The following KCNMB2 variants were observed in gnomAD, a reference collection of about 807,000 sequenced individuals.
KCNMB2 encodes potassium calcium-activated channel subfamily M regulatory beta subunit 2.
KCNMB2 carries 9 observed loss-of-function variants against 24.5 expected under a neutral mutation model. The observed-to-expected ratio is 0.37, with a 90% CI of 0.22 to 0.64. KCNMB2 has a LOEUF of 0.64. Ranked by LOEUF, KCNMB2 falls within the 30% of genes least tolerant of loss-of-function variation. KCNMB2 has a pLI of 0.63. For missense variants in KCNMB2, 226 were observed against 284.3 expected, an observed-to-expected ratio of 0.79 and a Z score of 1.47; for synonymous variants, 109 against 104.4, an observed-to-expected ratio of 1.04 and a Z score of -0.27.
chr3:178,813,070 A>C (rs1444749891), intron 2 of KCNMB2, among the ~76,000 whole-genome samples: 1 of 152,168 alleles, frequency 6.6e-6, no homozygotes, highest in Non-Finnish European at 1.5e-5. Context: ...TTACATCTTT[A>C]TGTCACCAAG....
intron 1 of KCNMB2, among the ~76,000 whole-genome samples, chr3:178,768,119 G>C (rs755083784): frequency 1.3e-5 from 2 of 151,980 alleles, no homozygotes; most frequent in Non-Finnish European, 2.9e-5. Context: ...TTTATTCAAA[G>C]ATTATTTTAG....
intron 1 of KCNMB2, among the ~76,000 whole-genome samples, chr3:178,714,778 A>T (rs1353702606): frequency 6.6e-6 from 1 of 152,124 alleles, no homozygotes; most frequent in Non-Finnish European, 1.5e-5. Context: ...AATGTTCGTC[A>T]GCCGTTGGCA....
chr3:178,653,054 TATTA>T, intron 1 of KCNMB2, among the ~76,000 whole-genome samples: 1 of 152,320 alleles, frequency 6.6e-6, no homozygotes, highest in East Asian at 1.9e-4. Flanking sequence ...TTAATTGATA[TATTA>T]ATTTAAGAAT....
chr3:178,763,060 T>C (rs1711973493), intron 1 of KCNMB2, among the ~76,000 whole-genome samples: 1 of 152,102 alleles, frequency 6.6e-6, no homozygotes, highest in Non-Finnish European at 1.5e-5. Context: ...TGGAACTAGA[T>C]GAGGTCATCT....
At chr3:178,749,301 T>C (rs1015274063) in intron 1 of KCNMB2, 3 of 152,236 alleles carry the variant, frequency 2.0e-5, no homozygotes, top group Non-Finnish European at 4.4e-5. Context: ...AGAGACGTTT[T>C]GTAAAACAAA....
At chr3:178,631,354 T>C (rs1386546799) in intron 1 of KCNMB2, among the ~76,000 whole-genome samples, 1 of 152,236 alleles carries the variant, frequency 6.6e-6, no homozygotes, top group Non-Finnish European at 1.5e-5. Flanking sequence ...TTATTAGTGC[T>C]GTCAGTAACA....
intron 4 of KCNMB2, among the ~76,000 whole-genome samples, chr3:178,837,624 G>T (rs1464721693): frequency 2.0e-5 from 3 of 152,174 alleles, no homozygotes; most frequent in Non-Finnish European, 4.4e-5. Context: ...CCAGGGCAGA[G>T]GACCTTTTCT....
At position 178,757,722 on chromosome 3, in the gene KCNMB2, A is replaced by ATCT. The variant is rs1424841782; in HGVS notation, c.-67-49620_-67-49619insCTT. ...TATATCCAAGAGGATATATATATGT[A>ATCT]TATATATCCAAGAGGATATATATAT... On this transcript the variant is annotated intron_variant, in intron 1 of 4. Coordinates refer to ENST00000452583, the MANE Select transcript of KCNMB2 (RefSeq NM_181361.3). 1.8e-4 allele frequency among the ~76,000 whole-genome samples: 16 copies of ATCT among 86,858 alleles called. 3 individuals are homozygous for ATCT. The highest frequency in any genetic ancestry group is 6.4e-4 in the East Asian group (2 of 3,130). 57.0% of individuals were successfully genotyped at this position (86,858 alleles called of 152,430 possible). A position where few individuals can be genotyped will look rare whatever the true frequency, so the allele number is the denominator to read the frequency against.
intron 2 of KCNMB2, among the ~76,000 whole-genome samples, chr3:178,816,859 C>G (rs1056007429): frequency 6.6e-6 from 1 of 152,104 alleles, no homozygotes. Context: ...CAGTACTTCT[C>G]AAAGTCTCCC....
intron 1 of KCNMB2, among the ~76,000 whole-genome samples, chr3:178,725,243 T>A (rs1577128314): frequency 6.6e-6 from 1 of 152,072 alleles, no homozygotes; most frequent in African/African-American, 2.4e-5. Flanking sequence ...TTTGGTTACA[T>A]GTAGTCTCAG....
intron 1 of KCNMB2, among the ~76,000 whole-genome samples, chr3:178,618,487 T>C (rs1260749954): frequency 6.6e-6 from 1 of 152,202 alleles, no homozygotes; most frequent in Admixed American, 6.5e-5. Flanking sequence ...AAGAGCTTCG[T>C]TCTTGCATTC....
chr3:178,766,992 G>C (rs1451591152), intron 1 of KCNMB2, among the ~76,000 whole-genome samples: 3 of 152,172 alleles, frequency 2.0e-5, no homozygotes, highest in Non-Finnish European at 2.9e-5. Context: ...CCCTCCAGGG[G>C]ACATTTGGAA....
At chr3:178,555,575 G>A (rs1448481723) in intron 1 of KCNMB2, among the ~76,000 whole-genome samples, 1 of 152,184 alleles carries the variant, frequency 6.6e-6, no homozygotes, top group Admixed American at 6.5e-5. Flanking sequence ...ATAAAAGCAT[G>A]GGCTATGTTT....
In KCNMB2 at chr3:178,815,170, G is replaced by A. The variant is rs145324473; in HGVS notation, c.56+7705G>A. On this transcript the variant is annotated intron_variant, in intron 2 of 4. Transcript: ENST00000452583. ...GTTTTGTTTTTTGCAAAAGGGTCTC[G>A]CTCTGTCACACTGGCTGGAGTACAG... is the stretch of plus-strand genomic sequence containing the variant. Among the ~76,000 whole-genome samples, 624 of 152,002 alleles carry A rather than the reference G, an allele frequency of 4.1e-3. 7 individuals carry two copies. Among genetic ancestry groups the A allele is most frequent in the Middle Eastern group, 0.027 (8 of 294 alleles).
Position 178,748,107 on chromosome 3 carries a change from G to T in KCNMB2, c.-67-59236G>T, listed in dbSNP as rs553627025. ...ACTTTTTACTCTGAGGCCAGTGAAC[G>T]TTCCATATTTTCTCTGGATATTTCT... On this transcript the variant is annotated intron_variant, in intron 1 of 4. Transcript: ENST00000452583. Among the ~76,000 whole-genome samples, 49 of 149,348 alleles carry T rather than the reference G, an allele frequency of 3.3e-4. 1 individual carries two copies. Among genetic ancestry groups the T allele is most frequent in the Non-Finnish European group, 3.5e-4 (23 of 66,564 alleles).
chr3:178,720,273 T>A (rs1722755179), intron 1 of KCNMB2, among the ~76,000 whole-genome samples: 1 of 150,944 alleles, frequency 6.6e-6, no homozygotes, highest in Non-Finnish European at 1.5e-5. Flanking sequence ...GAATGATGAT[T>A]TCCAATTTCA....
At chr3:178,776,177 G>A (rs1257372934) in intron 1 of KCNMB2, among the ~76,000 whole-genome samples, 1 of 151,924 alleles carries the variant, frequency 6.6e-6, no homozygotes, top group Non-Finnish European at 1.5e-5. Flanking sequence ...CTCAATCCCT[G>A]CTCCAAAGCA....
At chr3:178,620,598 A>C (rs1415598963) in intron 1 of KCNMB2, among the ~76,000 whole-genome samples, 1 of 152,174 alleles carries the variant, frequency 6.6e-6, no homozygotes, top group African/African-American at 2.4e-5. Context: ...AGGTCTCCTT[A>C]ATAAGAACAC....
chr3:178,614,272 T>TAC (rs1718609895), intron 1 of KCNMB2, among the ~76,000 whole-genome samples: 2 of 98,016 alleles, frequency 2.0e-5, no homozygotes, highest in Admixed American at 1.0e-4. Context: ...TATATATATA[T>TAC]ATATATATAT....
Sources: allele counts gnomAD v4.1 joint callset (sites outside exome capture counted in the v4.1 genomes callset), GRCh38; gene constraint gnomAD v4.1.1; transcripts MANE v1.5; gene names NCBI Gene and HGNC (gene_info 2026-07-23, HGNC 2026-07-21).